The following SRP19 variants were observed in gnomAD, a reference collection of about 807,000 sequenced individuals.
SRP19 encodes the protein signal recognition particle 19, also known as signal recognition particle 19 kDa protein.
In SRP19, 11 loss-of-function variants were observed where a neutral mutation model predicts 22.4. The ratio of observed to expected loss-of-function variants is 0.49; its 90% CI spans 0.31 to 0.81. The LOEUF is 0.81. Among genes scored for constraint, SRP19 ranks in the 40% least tolerant of loss-of-function variants. The probability of loss-of-function intolerance (pLI) is 0.05; values close to 1 mark genes in which losing one functional copy is unlikely to be tolerated. For missense variants in SRP19, 168 were observed against 175.9 expected (o/e 0.96, Z 0.25); for synonymous variants, 61 against 57.6 (o/e 1.06, Z -0.27).
Position 112,882,624 on chromosome 5 carries a change from A to G in SRP19, c.302-8979A>G, listed in dbSNP as rs535515623. ...TGCCTGACAGTCCATTTACTCTCCA[A>G]CTGTCCTAGAGGGGCCAGCACACTG... On this transcript the variant is annotated intron_variant, in intron 4 of 4. Coordinates refer to the SRP19 transcript ENST00000391338. Among the ~76,000 whole-genome samples the G allele has an allele frequency of 6.6e-5, 10 of 152,226 alleles. No individual in the cohort carries two copies. The South Asian group carries it at 1.0e-3, about 16-fold the overall frequency.
chr5:112,892,560 C>A, exon 5 of SRP19: 3 of 1,614,132 alleles, frequency 1.9e-6, no homozygotes, highest in Non-Finnish European at 1.7e-6. Flanking sequence ...GTGAATTCTG[C>A]CCAGTGACCC....
chr5:112,875,261 CTGTGTTA>C (rs1397713740), intron 4 of SRP19, among the ~76,000 whole-genome samples: 1 of 152,194 alleles, frequency 6.6e-6, no homozygotes, highest in East Asian at 1.9e-4. Flanking sequence ...TGAATTGTAC[CTGTGTTA>C]TTCTAAACAC....
intron 2 of SRP19, among the ~76,000 whole-genome samples, chr5:112,864,005 A>G (rs1412194861): frequency 6.6e-6 from 1 of 152,302 alleles, no homozygotes; most frequent in Non-Finnish European, 1.5e-5. Context: ...TTATAAATAG[A>G]TGTTTTTTAG....
intron 4 of SRP19, chr5:112,887,251 G>A: frequency 1.5e-6 from 2 of 1,365,372 alleles, no homozygotes; most frequent in South Asian, 1.8e-5. Flanking sequence ...AATACACACT[G>A]TCTTTCACTA....
chr5:112,864,765 G>C (rs370060492), intron 4 of SRP19, 33 bp downstream of exon 4: 2 of 1,523,284 alleles, frequency 1.3e-6, no homozygotes, highest in African/African-American at 2.8e-5. Flanking sequence ...GTGGGGCTCA[G>C]GGATAGGTTT....
chr5:112,861,350 T>C lies in SRP19; in HGVS notation c.-27T>C. 2 of 1,614,136 alleles carry C rather than the reference T, an allele frequency of 1.2e-6. No homozygotes were observed. Among genetic ancestry groups the C allele is most frequent in the South Asian group, 2.2e-5 (2 of 91,082 alleles). On this transcript the variant is annotated 5_prime_UTR_variant, in exon 1 of 5. Transcript: ENST00000505459. ...TTTCTGCCGGGTTTCTCCCTGCGGC[T>C]CCTGGGTTGTTGAGACTCTTGTGAA...
rs546725205 is a variant in SRP19 at position 112,861,515 on chromosome 5, C to T, written c.41+98C>T. ...CTCCGCTCCGCGGCCTCCAGAATGG[C>T]CTAGCTGATCCAACTCGCTCTGTAC... On this transcript the variant is annotated intron_variant, in intron 1 of 4. Coordinates refer to ENST00000505459, the MANE Select transcript of SRP19 (RefSeq NM_003135.3). 6.1e-4 allele frequency: 812 copies of T among 1,324,026 alleles called. 8 individuals are homozygous for T. In the South Asian group the frequency reaches 7.0e-3, roughly 11 times the overall value. 82.0% of individuals were successfully genotyped at this position (1,324,026 alleles called of 1,614,324 possible). A position where few individuals can be genotyped will look rare whatever the true frequency, so the allele number is the denominator to read the frequency against.
downstream of SRP19, chr5:112,894,026 C>T (rs1456480131): frequency 6.6e-6 from 1 of 152,182 alleles, no homozygotes; most frequent in Non-Finnish European, 1.5e-5. Flanking sequence ...GTTTCCTTGG[C>T]ATAGTGCCAG....
chr5:112,885,598 C>G, intron 4 of SRP19: 1 of 273,158 alleles, frequency 3.7e-6, no homozygotes, highest in Middle Eastern at 7.1e-4. Context: ...CAACTTAGAC[C>G]CACTAGTGTT....
At chr5:112,861,455 G>C in intron 1 of SRP19, 38 bp downstream of exon 1, 1 of 1,606,142 alleles carries the variant, frequency 6.2e-7, no homozygotes. Context: ...AAAGGAAGGG[G>C]CTTGCTGTGG....
exon 5 of SRP19, chr5:112,892,494 C>T: frequency 6.2e-7 from 1 of 1,614,166 alleles, no homozygotes; most frequent in Non-Finnish European, 8.5e-7. Flanking sequence ...AAGAAGAATG[C>T]CAAGCAGCCC....
chr5:112,867,330 T>G (rs555631393), intron 4 of SRP19, 74 bp from the exon 5 acceptor site: 4 of 1,517,860 alleles, frequency 2.6e-6, no homozygotes, highest in Admixed American at 2.0e-5. Context: ...TCTTACACTT[T>G]GTGATATTCA....
intron 2 of SRP19, 34 bp downstream of exon 2, chr5:112,862,617 G>GT: frequency 6.3e-7 from 1 of 1,591,368 alleles, no homozygotes; most frequent in Middle Eastern, 1.7e-4. Context: ...GATCCTCGAG[G>GT]GAATGGGGGG....
chr5:112,874,881 T>G (rs531881019), intron 4 of SRP19, among the ~76,000 whole-genome samples: 61 of 151,942 alleles, frequency 4.0e-4, no homozygotes, highest in Non-Finnish European at 2.9e-5. Context: ...GTTCAAGCCA[T>G]TCTCCTGCCT....
intron 1 of SRP19, 42 bp downstream of exon 1, chr5:112,861,459 G>C (rs1767395612): frequency 3.1e-6 from 5 of 1,603,486 alleles, no homozygotes; most frequent in Non-Finnish European, 4.3e-6. Context: ...GAAGGGGCTT[G>C]CTGTGGTGCT....
chr5:112,891,796 G>A, exon 5 of SRP19: 1 of 1,608,750 alleles, frequency 6.2e-7, no homozygotes, highest in Non-Finnish European at 8.5e-7. Context: ...ACAGGAGGAG[G>A]AAGAGGACAC....
intron 4 of SRP19, among the ~76,000 whole-genome samples, chr5:112,867,129 G>GATT (rs776310782): frequency 2.6e-5 from 4 of 152,184 alleles, no homozygotes; most frequent in Non-Finnish European, 5.9e-5. Flanking sequence ...TCTTCAAGCT[G>GATT]ATTACTAGGA....
At chr5:112,878,409 C>A in intron 4 of SRP19, 1 of 195,790 alleles carries the variant, frequency 5.1e-6, no homozygotes, top group Non-Finnish European at 1.0e-5. Flanking sequence ...GAAGTAGAAC[C>A]ATAAAGATTA....
chr5:112,870,825 C>T (rs1767740414), downstream of SRP19, among the ~76,000 whole-genome samples: 1 of 152,276 alleles, frequency 6.6e-6, no homozygotes, highest in East Asian at 1.9e-4. Context: ...GCATCAAAGA[C>T]CCTTGCCATA....
Sources: gnomAD v4.1 joint callset for allele counts (sites outside exome capture counted in the v4.1 genomes callset) on GRCh38, gnomAD v4.1.1 for gene constraint, MANE v1.5 for transcripts, NCBI Gene and HGNC (gene_info 2026-07-23, HGNC 2026-07-21) for gene names.